Variants in PCDHA6 observed in about 807,000 individuals in gnomAD.
The protein encoded by PCDHA6 is protocadherin alpha 6.
PCDHA6 carries 55 observed loss-of-function variants against 60.3 expected under a neutral mutation model. The ratio of observed to expected loss-of-function variants is 0.91; its 90% CI spans 0.73 to 1.14. The LOEUF (loss-of-function observed/expected upper bound fraction) is 1.14. Among genes scored for constraint, PCDHA6 ranks in the 50% most tolerant of loss-of-function variants. PCDHA6 has a pLI of 0.00. For synonymous variants in PCDHA6, 652 were observed against 557.9 expected, an observed-to-expected ratio of 1.17 and a Z score of -2.38; for missense variants, 1,327 against 1,256.5, an observed-to-expected ratio of 1.06 and a Z score of -0.85.
chr5:140,829,000 G>C lies in PCDHA6; in HGVS notation c.909G>C (p.Val303=). The C allele has an allele frequency of 6.2e-7, 1 of 1,613,886 alleles. No homozygotes were observed. Residue 303 remains valine, a synonymous_variant, in exon 1 of 4, where the codon GTG becomes GTC. Coordinates refer to ENST00000529310, the MANE Select transcript of PCDHA6 (RefSeq NM_018909.4). ...FSIDRNTGEI[V]IRGNLDFEQE... Reference sequence around the variant, plus strand: ...TAGATCGAAATACGGGAGAAATAGTGATTCGGGGTAATTTGGATTTTGAAC... The same window carrying C: ...TAGATCGAAATACGGGAGAAATAGTCATTCGGGGTAATTTGGATTTTGAAC...
chr5:140,905,427 A>G lies in PCDHA6; in HGVS notation c.2395-73522A>G, dbSNP rs185931856. 5.3e-5 allele frequency among the ~76,000 whole-genome samples: 8 copies of G among 152,298 alleles called. No homozygotes were observed. The East Asian group carries it at 1.5e-3, about 29-fold the overall frequency. ...TTTATACCAGTACCATGCTGGTTTG[A>G]TAACTACAGCCTTTTAGTATAATTT... On this transcript the variant is annotated intron_variant, in intron 1 of 3. Transcript: ENST00000529310.
chr5:140,834,172 G>A (rs114972611), intron 1 of PCDHA6: 2 of 551,148 alleles, frequency 3.6e-6, no homozygotes, highest in Non-Finnish European at 6.4e-6. Flanking sequence ...TTACTTACAT[G>A]ATGGCCACAT....
At chr5:140,864,027 G>A (rs2048287135) in intron 1 of PCDHA6, 1 of 152,794 alleles carries the variant, frequency 6.5e-6, no homozygotes, top group Non-Finnish European at 1.5e-5. Flanking sequence ...TGGAAGTCTA[G>A]CCATCTTAAT....
chr5:140,870,078 G>A, intron 1 of PCDHA6: 1 of 1,613,838 alleles, frequency 6.2e-7, no homozygotes, highest in South Asian at 1.1e-5. Flanking sequence ...CAGATAAGGG[G>A]ACTCCCCCAA....
Position 140,982,458 on chromosome 5 carries a change from T to C in PCDHA6, c.2454-17T>C, listed in dbSNP as rs1554244201. 1 of 1,613,996 alleles carries C rather than the reference T, an allele frequency of 6.2e-7. No homozygotes were observed. Among genetic ancestry groups the C allele is most frequent in the Non-Finnish European group, 8.5e-7 (1 of 1,179,964 alleles). ...ATTTATGATCTAACCGTTATCTGGG[T>C]CTGTGTGTTTATTCAGCTCTGTGCA... On this transcript the variant is annotated splice_polypyrimidine_tract_variant and intron_variant, in intron 2 of 3. Transcript: ENST00000529310.
At chr5:140,847,798 C>G (rs1359098048) in intron 1 of PCDHA6, 1 of 149,600 alleles carries the variant, frequency 6.7e-6, no homozygotes, top group Non-Finnish European at 1.5e-5. Context: ...TATTTTATAC[C>G]TTTTCAATTC....
chr5:141,003,104 C>G (rs1447493860), intron 3 of PCDHA6, among the ~76,000 whole-genome samples: 1 of 152,236 alleles, frequency 6.6e-6, no homozygotes, highest in East Asian at 1.9e-4. Context: ...ATTTGCTTCA[C>G]AATCTTCTGG....
intron 1 of PCDHA6, chr5:140,969,181 T>C (rs1554231546): frequency 1.2e-6 from 2 of 1,613,978 alleles, no homozygotes; most frequent in Non-Finnish European, 8.5e-7. Flanking sequence ...GGAGTGACAC[T>C]TTCATGTTTT....
intron 1 of PCDHA6, among the ~76,000 whole-genome samples, chr5:140,905,476 C>A (rs904790256): frequency 6.6e-6 from 1 of 152,158 alleles, no homozygotes; most frequent in East Asian, 1.9e-4. Flanking sequence ...GTGATGCCTT[C>A]AGATTTCTTC....
At chr5:140,854,958 C>T (rs1554147522) in intron 1 of PCDHA6, among the ~76,000 whole-genome samples, 2 of 149,742 alleles carry the variant, frequency 1.3e-5, no homozygotes, top group African/African-American at 2.4e-5. Context: ...TTCTTAATTA[C>T]TTTATTCAGA....
At chr5:140,958,652 G>A (rs991773774) in intron 1 of PCDHA6, among the ~76,000 whole-genome samples, 15 of 152,030 alleles carry the variant, frequency 9.9e-5, no homozygotes, top group Admixed American at 2.6e-4. Flanking sequence ...ATCACAGAAA[G>A]CTATGATGAA....
chr5:140,856,225 G>C (rs1554148421), intron 1 of PCDHA6: 1 of 1,598,066 alleles, frequency 6.3e-7, no homozygotes, highest in Admixed American at 1.7e-5. Context: ...CGGAGCTGGT[G>C]CAGCGCCTGT....
chr5:140,968,643 A>G (rs2096261293), intron 1 of PCDHA6: 1 of 1,614,198 alleles, frequency 6.2e-7, no homozygotes. Context: ...CATCTAGCCC[A>G]GACTTCTGAC....
At chr5:141,002,020 T>A (rs1380012353) in intron 3 of PCDHA6, among the ~76,000 whole-genome samples, 4 of 152,166 alleles carry the variant, frequency 2.6e-5, no homozygotes, top group Admixed American at 6.5e-5. Flanking sequence ...TGCACAGCCT[T>A]CGGTGCCCTG....
chr5:141,007,394 A>G (rs2098323051), intron 3 of PCDHA6, among the ~76,000 whole-genome samples: 16 of 86,170 alleles, frequency 1.9e-4, no homozygotes, highest in Non-Finnish European at 3.5e-4. Context: ...CTACTAAAAT[A>G]CAAAAAAAAA....
chr5:140,967,173 T>C, intron 1 of PCDHA6: 1 of 1,611,178 alleles, frequency 6.2e-7, no homozygotes, highest in Non-Finnish European at 8.5e-7. Context: ...GCCGTTGAGG[T>C]GGAAATATTG....
rs1554151079 is a variant in PCDHA6 at position 140,858,031 on chromosome 5, G to T, written c.2394+27546G>T. 1.2e-5 allele frequency: 19 copies of T among 1,597,102 alleles called. 3 individuals are homozygous for T. The highest frequency in any genetic ancestry group is 1.5e-5 in the Non-Finnish European group (17 of 1,167,242). On this transcript the variant is annotated intron_variant, in intron 1 of 3. Coordinates refer to ENST00000529310, the MANE Select transcript of PCDHA6 (RefSeq NM_018909.4). ...ATGGCGAGCCGTCGCTGACGGCCACGGCCACTGTGCTTGTGTCGCTTGTGG... is the reference window on the plus strand; with the variant it reads ...ATGGCGAGCCGTCGCTGACGGCCACTGCCACTGTGCTTGTGTCGCTTGTGG...
At position 140,843,072 on chromosome 5, in the gene PCDHA6, C is replaced by G. The variant is rs2150351828; in HGVS notation, c.2394+12587C>G. 29 of 1,595,290 alleles carry G rather than the reference C, an allele frequency of 1.8e-5. 2 individuals carry two copies. Among genetic ancestry groups the G allele is most frequent in the Middle Eastern group, 1.7e-4 (1 of 5,908 alleles). On this transcript the variant is annotated intron_variant, in intron 1 of 3. Transcript: ENST00000529310. ...GCAGCGAGCAAGCTGGTGCCGCGGTCTGTGGGCGCGGGCCACGTGGTAGCG... is the reference window on the plus strand; with the variant it reads ...GCAGCGAGCAAGCTGGTGCCGCGGTGTGTGGGCGCGGGCCACGTGGTAGCG...
At chr5:140,870,819 G>C (rs1365807310) in intron 1 of PCDHA6, 3 of 1,613,714 alleles carry the variant, frequency 1.9e-6, no homozygotes, top group South Asian at 1.1e-5. Flanking sequence ...CTGGCAGCGC[G>C]GGAGGCGCAG....
Sources: allele counts gnomAD v4.1 joint callset (sites outside exome capture counted in the v4.1 genomes callset), GRCh38; gene constraint gnomAD v4.1.1; transcripts MANE v1.5; gene names NCBI Gene and HGNC (gene_info 2026-07-23, HGNC 2026-07-21).